The following ARL15 variants were observed in gnomAD, a reference collection of about 807,000 sequenced individuals.
ARL15 encodes ARF like GTPase 15, also known as ADP-ribosylation factor-like protein 15.
Under a neutral mutation model 25.2 loss-of-function variants are expected in ARL15, and 19 were observed. That is an observed-to-expected ratio of 0.75 (90% confidence interval 0.53 to 1.10). The LOEUF (loss-of-function observed/expected upper bound fraction) is 1.10, where lower values mean the gene tolerates loss of function less well. Ranked by LOEUF, ARL15 falls within the 50% of genes least tolerant of loss-of-function variation. The probability of loss-of-function intolerance (pLI) is 0.00; values close to 1 mark genes in which losing one functional copy is unlikely to be tolerated. For missense variants in ARL15, 220 were observed against 246.0 expected (o/e 0.89, Z 0.71); for synonymous variants, 94 against 86.8 (o/e 1.08, Z -0.46).
At chr5:54,247,446 A>G (rs552197734) in intron 1 of ARL15, among the ~76,000 whole-genome samples, 15 of 152,170 alleles carry the variant, frequency 9.9e-5, no homozygotes, top group African/African-American at 3.6e-4. Flanking sequence ...ACATCCTGCA[A>G]TTCACACCCT....
At chr5:53,975,953 G>A (rs374211126) in intron 4 of ARL15, among the ~76,000 whole-genome samples, 88 of 152,288 alleles carry the variant, frequency 5.8e-4, no homozygotes, top group African/African-American at 2.1e-3. Context: ...AAAGCTACCC[G>A]CTGTCACAGA....
At chr5:54,232,808 C>T (rs1184512471) in intron 1 of ARL15, among the ~76,000 whole-genome samples, 1 of 152,164 alleles carries the variant, frequency 6.6e-6, no homozygotes, top group Admixed American at 6.5e-5. Flanking sequence ...GTTCGGCTGA[C>T]ACTCATGTTC....
At chr5:54,089,115 T>G (rs967243266) in intron 4 of ARL15, among the ~76,000 whole-genome samples, 1 of 152,160 alleles carries the variant, frequency 6.6e-6, no homozygotes, top group Non-Finnish European at 1.5e-5. Context: ...ACAGGTATTC[T>G]AGTCTCAGCT....
At chr5:54,215,441 C>T (rs1401621405) in intron 1 of ARL15, among the ~76,000 whole-genome samples, 2 of 152,138 alleles carry the variant, frequency 1.3e-5, no homozygotes, top group African/African-American at 4.8e-5. Flanking sequence ...CCCTGTAACA[C>T]CATCTGGATA....
rs1289393468 is a variant in ARL15, at chr5:53,893,933, TAGAA to T, written c.463-7224_463-7221del. Among the ~76,000 whole-genome samples the T allele has an allele frequency of 2.6e-5, 4 of 152,258 alleles. No homozygotes were observed. The South Asian group carries it at 8.3e-4, about 32-fold the overall frequency. The stretch of plus-strand genomic sequence containing the variant: ...TTTCATTGCAGGATTTTGAAATCCT[TAGAA>T]AGGTACTAAATATGTCATTAAAGGC... On this transcript the variant is annotated intron_variant, in intron 4 of 4. Transcript: ENST00000504924.
intron 4 of ARL15, among the ~76,000 whole-genome samples, chr5:54,069,807 G>C (rs1050933880): frequency 6.6e-6 from 1 of 151,712 alleles, no homozygotes; most frequent in East Asian, 2.0e-4. Context: ...CCGAGTAGCT[G>C]AAATTACAGG....
At chr5:54,294,445 C>A (rs940765179) in intron 1 of ARL15, among the ~76,000 whole-genome samples, 4 of 152,116 alleles carry the variant, frequency 2.6e-5, no homozygotes, top group African/African-American at 7.2e-5. Context: ...CAAATGCCTG[C>A]CAAACATTAA....
rs529084263 is a variant in ARL15 at position 54,143,364 on chromosome 5, C to G, written c.253+11216G>C. Among the ~76,000 whole-genome samples the G allele has an allele frequency of 1.1e-4, 16 of 151,874 alleles. No homozygotes were observed. The South Asian group carries it at 3.3e-3, about 32-fold the overall frequency. On this transcript the variant is annotated intron_variant, in intron 3 of 4. Coordinates refer to ENST00000504924, the MANE Select transcript of ARL15 (RefSeq NM_019087.3). ...CTTTTTCTTTAGTCTATTTAATGATCTTTGCTTGAATTCTATTTCATCTCA... is the reference window on the plus strand; with the variant it reads ...CTTTTTCTTTAGTCTATTTAATGATGTTTGCTTGAATTCTATTTCATCTCA...
At chr5:54,003,704 C>G (rs1748926126) in intron 4 of ARL15, among the ~76,000 whole-genome samples, 1 of 148,390 alleles carries the variant, frequency 6.7e-6, no homozygotes, top group Admixed American at 6.6e-5. Flanking sequence ...ATCTATCTAT[C>G]TATCTATCTA....
In ARL15 at chr5:53,888,015, C is replaced by T. The variant is rs190909070; in HGVS notation, c.463-1302G>A. Among the ~76,000 whole-genome samples, 109 of 152,004 alleles carry T rather than the reference C, an allele frequency of 7.2e-4. 1 individual carries two copies. The highest frequency in any genetic ancestry group is 2.2e-3 in the African/African-American group (90 of 41,488). On this transcript the variant is annotated intron_variant, in intron 4 of 4. Transcript: ENST00000504924. ...AATTTAGGAACCAGAAATATACTAA[C>T]ATTTTATAGTCCAAGTATGTCCAAA... is the stretch of plus-strand genomic sequence containing the variant.
chr5:54,201,000 A>C (rs1045146594), intron 1 of ARL15, among the ~76,000 whole-genome samples: 5 of 152,082 alleles, frequency 3.3e-5, no homozygotes, highest in Non-Finnish European at 7.4e-5. Flanking sequence ...TACATACAAC[A>C]CCTACGCCCT....
chr5:54,159,374 G>A (rs1039279531), intron 2 of ARL15, among the ~76,000 whole-genome samples: 2 of 152,154 alleles, frequency 1.3e-5, no homozygotes, highest in African/African-American at 4.8e-5. Context: ...GGGTGTCAGT[G>A]TGCTAACGTG....
rs1747333537 is a variant in ARL15, at chr5:53,960,671, A to T, written c.463-73958T>A. On this transcript the variant is annotated intron_variant, in intron 4 of 4. Transcript: ENST00000504924. ...CATCATATAAATATCAATATGTCTG[A>T]CTTGTTTTCTTGCCAGATAAGTAGC... Among the ~76,000 whole-genome samples the T allele has an allele frequency of 2.6e-5, 4 of 152,184 alleles. 1 individual carries two copies. Among genetic ancestry groups the T allele is most frequent in the Admixed American group, 2.6e-4 (4 of 15,276 alleles).
chr5:54,128,758 T>G (rs1753342424), intron 3 of ARL15, among the ~76,000 whole-genome samples: 2 of 149,590 alleles, frequency 1.3e-5, no homozygotes, highest in South Asian at 4.2e-4. Flanking sequence ...CAGACTGTAG[T>G]GCAATGGCGC....
chr5:54,167,507 G>A (rs1754609023), intron 2 of ARL15, among the ~76,000 whole-genome samples: 1 of 152,100 alleles, frequency 6.6e-6, no homozygotes, highest in Admixed American at 6.5e-5. Flanking sequence ...TTGTTGCTTT[G>A]TATATTTCAT....
chr5:54,298,559 C>T (rs1313078192), intron 1 of ARL15, among the ~76,000 whole-genome samples: 1 of 152,188 alleles, frequency 6.6e-6, no homozygotes, highest in African/African-American at 2.4e-5. Context: ...TCCTGCCCCT[C>T]CAGTTCCAGC....
intron 1 of ARL15, among the ~76,000 whole-genome samples, chr5:54,266,361 T>C (rs1450646634): frequency 6.6e-6 from 1 of 152,204 alleles, no homozygotes; most frequent in Non-Finnish European, 1.5e-5. Flanking sequence ...TGTCAGTTTG[T>C]TGAGAAAGAA....
chr5:54,250,242 C>G (rs979720326), intron 1 of ARL15, among the ~76,000 whole-genome samples: 5 of 152,058 alleles, frequency 3.3e-5, no homozygotes, highest in Admixed American at 2.0e-4. Flanking sequence ...ACCAAGAGGA[C>G]AGCATCAAAT....
chr5:53,925,201 A>ATT (rs70986650), intron 4 of ARL15, among the ~76,000 whole-genome samples: 34,348 of 147,110 alleles, frequency 0.23, 4,287 homozygotes, highest in African/African-American at 0.3. Flanking sequence ...TATTTTTATA[A>ATT]TTTTTTTTTT....
Sources: gnomAD v4.1 joint callset for allele counts (sites outside exome capture counted in the v4.1 genomes callset) on GRCh38, gnomAD v4.1.1 for gene constraint, MANE v1.5 for transcripts, NCBI Gene and HGNC (gene_info 2026-07-23, HGNC 2026-07-21) for gene names.